The following RMDN2 variants were observed in gnomAD, a reference collection of about 807,000 sequenced individuals.
RMDN2 encodes the protein regulator of microtubule dynamics 2.
RMDN2 carries 61 observed loss-of-function variants against 52.8 expected under a neutral mutation model. The observed-to-expected ratio is 1.16, with a 90% CI of 0.94 to 1.43. The LOEUF (loss-of-function observed/expected upper bound fraction) is 1.43. Among genes scored for constraint, RMDN2 ranks in the 40% most tolerant of loss-of-function variants. The pLI is 0.00. For synonymous variants in RMDN2, 180 were observed against 153.1 expected, an observed-to-expected ratio of 1.18 and a Z score of -1.30; for missense variants, 592 against 475.3, an observed-to-expected ratio of 1.25 and a Z score of -2.28.
intron 7 of RMDN2, among the ~76,000 whole-genome samples, chr2:37,996,532 C>A (rs1275762515): frequency 2.1e-5 from 3 of 146,102 alleles, no homozygotes; most frequent in Non-Finnish European, 4.5e-5. Flanking sequence ...TGCAGTGAGC[C>A]ATGATCGTGC....
intron 10 of RMDN2, among the ~76,000 whole-genome samples, chr2:38,014,861 A>C (rs1678527492): frequency 6.6e-6 from 1 of 152,232 alleles, no homozygotes; most frequent in African/African-American, 2.4e-5. Flanking sequence ...AAAGGCAGGC[A>C]CTGAAAAAGT....
intron 7 of RMDN2, among the ~76,000 whole-genome samples, 170 bp downstream of exon 7, chr2:37,991,467 A>C (rs1391145933): frequency 6.6e-6 from 1 of 151,784 alleles, no homozygotes; most frequent in Non-Finnish European, 1.5e-5. Flanking sequence ...TTGTATCTGA[A>C]TTTATAATTT....
At chr2:37,963,984 G>A (rs1163524518) in intron 2 of RMDN2, among the ~76,000 whole-genome samples, 4 of 151,180 alleles carry the variant, frequency 2.6e-5, no homozygotes, top group South Asian at 2.1e-4. Flanking sequence ...CTGGCCGGGC[G>A]GGGGCTGCCC....
At chr2:38,009,627 G>T (rs971799150) in intron 10 of RMDN2, among the ~76,000 whole-genome samples, 1 of 151,972 alleles carries the variant, frequency 6.6e-6, no homozygotes, top group African/African-American at 2.4e-5. Flanking sequence ...TTTTTTCAAG[G>T]TTTTTAACTT....
Position 38,003,978 on chromosome 2 carries a change from TC to T in RMDN2, c.1045-12del. The T allele has an allele frequency of 6.2e-7, 1 of 1,600,620 alleles. No homozygotes were observed. The highest frequency in any genetic ancestry group is 8.6e-7 in the Non-Finnish European group (1 of 1,168,022). On this transcript the variant is annotated splice_polypyrimidine_tract_variant and intron_variant, in intron 8 of 10. Transcript: ENST00000354545. The stretch of plus-strand genomic sequence containing the variant: ...TTGCCCTGTTATTCTCTCATGTTTT[TC>T]TCTCAAATCAGGCTGAAGAACTATG...
rs899471304 is a variant in RMDN2 at position 38,058,933 on chromosome 2, T to C, written c.1714-8049T>C. ...TATTATATTTATGTTCACACTCACT[T>C]ACTCGGAGGAGGGGCCCCTGAATCC... is the stretch of plus-strand genomic sequence containing the variant. On this transcript the variant is annotated intron_variant, in intron 10 of 10. Transcript: ENST00000234195. 2.6e-4 allele frequency among the ~76,000 whole-genome samples: 40 copies of C among 152,332 alleles called. No individual in the cohort carries two copies. The Middle Eastern group carries it at 0.01, about 39-fold the overall frequency.
intron 10 of RMDN2, among the ~76,000 whole-genome samples, chr2:38,016,689 G>C (rs1004142445): frequency 3.9e-5 from 6 of 152,084 alleles, no homozygotes; most frequent in Non-Finnish European, 8.8e-5. Context: ...CTATCTGAAA[G>C]ATGCCATCTT....
intron 2 of RMDN2, among the ~76,000 whole-genome samples, chr2:37,935,767 A>T (rs947897821): frequency 6.6e-6 from 1 of 151,848 alleles, no homozygotes; most frequent in African/African-American, 2.4e-5. Flanking sequence ...AATTTTTTTG[A>T]GTTTTTTCCA....
At chr2:37,928,595 C>T (rs531427348) in intron 1 of RMDN2, among the ~76,000 whole-genome samples, 1 of 152,300 alleles carries the variant, frequency 6.6e-6, no homozygotes, top group African/African-American at 2.4e-5. Flanking sequence ...AACCTCCCAC[C>T]ACTGCATCTA....
intron 10 of RMDN2, among the ~76,000 whole-genome samples, chr2:38,051,387 G>A (rs1033110905): frequency 1.3e-5 from 2 of 152,168 alleles, no homozygotes; most frequent in Admixed American, 6.5e-5. Flanking sequence ...TTGAGTGACT[G>A]TTCTTTTTTT....
chr2:37,943,314 G>T (rs1440267380), intron 2 of RMDN2, among the ~76,000 whole-genome samples: 1 of 152,094 alleles, frequency 6.6e-6, no homozygotes, highest in East Asian at 1.9e-4. Flanking sequence ...CAATGAGCAG[G>T]GAACCAGAGG....
intron 2 of RMDN2, chr2:37,952,120 C>T (rs367935058): frequency 6.2e-7 from 1 of 1,613,196 alleles, no homozygotes; most frequent in Admixed American, 1.7e-5. Flanking sequence ...GAATTAACTT[C>T]AGGCCTGTTT....
intron 10 of RMDN2, among the ~76,000 whole-genome samples, chr2:38,039,087 CACACACAGAG>C (rs372170367): frequency 0.14 from 15,536 of 113,666 alleles, 1,082 homozygotes; most frequent in Non-Finnish European, 0.18. Context: ...CACACACACA[CACACACAGAG>C]AGAGAGATAA....
At chr2:37,955,028 T>A (rs913111281) in intron 2 of RMDN2, among the ~76,000 whole-genome samples, 7 of 152,120 alleles carry the variant, frequency 4.6e-5, no homozygotes, top group Non-Finnish European at 8.8e-5. Flanking sequence ...TACACCTGAT[T>A]TTTATATGTT....
At chr2:37,988,077 T>C (rs1431314750) in intron 5 of RMDN2, among the ~76,000 whole-genome samples, 2 of 152,004 alleles carry the variant, frequency 1.3e-5, no homozygotes, top group East Asian at 3.9e-4. Flanking sequence ...TAAATAATAG[T>C]GGGGGCTATA....
chr2:37,929,852 A>T, intron 2 of RMDN2, 123 bp downstream of exon 2: 1 of 642,450 alleles, frequency 1.6e-6, no homozygotes, highest in Non-Finnish European at 2.6e-6. Flanking sequence ...AAAAGGAGTG[A>T]TATTTTGACT....
rs1349978767 is a variant in RMDN2, at chr2:37,969,541, G to C, written c.453-4499G>C. 1.3e-5 allele frequency among the ~76,000 whole-genome samples: 2 copies of C among 151,260 alleles called. 1 individual carries two copies. The highest frequency in any genetic ancestry group is 1.3e-4 in the Admixed American group (2 of 15,220). Reference sequence around the variant, plus strand: ...AGAGTATAAGAACAAAATTGATTTTGGAAGATTTATTATAAATCCTAATTA... The same window carrying C: ...AGAGTATAAGAACAAAATTGATTTTCGAAGATTTATTATAAATCCTAATTA... On this transcript the variant is annotated intron_variant, in intron 2 of 10. Coordinates refer to ENST00000354545, the MANE Select transcript of RMDN2 (RefSeq NM_001170791.3).
intron 2 of RMDN2, among the ~76,000 whole-genome samples, chr2:37,944,080 C>T (rs1440609957): frequency 2.0e-5 from 3 of 152,106 alleles, no homozygotes; most frequent in South Asian, 2.1e-4. Context: ...ATTTATTAAA[C>T]GTTTTGTGTA....
intron 6 of RMDN2, among the ~76,000 whole-genome samples, chr2:37,989,885 T>C (rs539820949): frequency 6.6e-6 from 1 of 152,336 alleles, no homozygotes; most frequent in East Asian, 1.9e-4. Context: ...GGCTCACGCC[T>C]GTAATCCCAG....
Sources: gnomAD v4.1 joint callset for allele counts (sites outside exome capture counted in the v4.1 genomes callset) on GRCh38, gnomAD v4.1.1 for gene constraint, MANE v1.5 for transcripts, NCBI Gene and HGNC (gene_info 2026-07-23, HGNC 2026-07-21) for gene names.